Variants in ESPL1 observed in about 807,000 individuals in gnomAD.
The protein encoded by ESPL1 is separin.
A neutral mutation model predicts 217.2 loss-of-function variants in ESPL1; 50 were observed. The observed-to-expected ratio is 0.23, with a 90% CI of 0.18 to 0.29. ESPL1 has a LOEUF of 0.29. ESPL1 is among the 10% of genes least tolerant of loss of function. ESPL1 has a pLI of 1.00. For synonymous variants in ESPL1, 994 were observed against 1,081.3 expected, an observed-to-expected ratio of 0.92 and a Z score of 1.58; for missense variants, 1,834 against 2,603.0, an observed-to-expected ratio of 0.70 and a Z score of 6.43.
intron 6 of ESPL1, 75 bp from the exon 7 acceptor site, chr12:53,274,742 T>C: frequency 8.0e-7 from 1 of 1,247,768 alleles, no homozygotes; most frequent in Non-Finnish European, 1.2e-6. Flanking sequence ...ATGTACCTAT[T>C]GCATGCATAT....
Position 53,281,534 on chromosome 12 carries a change from C to T in ESPL1, c.2527C>T (p.Leu843=). 6.2e-7 allele frequency: 1 copy of T among 1,613,806 alleles called. No homozygotes were observed. The highest frequency in any genetic ancestry group is 8.5e-7 in the Non-Finnish European group (1 of 1,179,730). Residue 843 remains leucine (L), a synonymous_variant, in exon 13 of 31, where the codon CTG becomes TTG. Transcript: ENST00000257934. Reference sequence around the variant, plus strand: ...ACACCTGGAAGAGGCAGCATCGAGCCTGAAGCATCTCGATCAGACTACTGA... The same window carrying T: ...ACACCTGGAAGAGGCAGCATCGAGCTTGAAGCATCTCGATCAGACTACTGA... ...QLHLEEAASS[L]KHLDQTTDTY...
At position 53,292,180 on chromosome 12, in the gene ESPL1, G is replaced by T; in HGVS notation, c.5796+92G>T. ...GAGAAACCTGAGAAGATAGGAGAGG[G>T]TCCTAGGAATGGCTCAGACATGGAA... On this transcript the variant is annotated intron_variant, in intron 27 of 30. Coordinates refer to ENST00000257934, the MANE Select transcript of ESPL1 (RefSeq NM_012291.5). This position sits in a 1 kb window ranked among gnomAD's most constrained non-coding sequence, Gnocchi z 4.5. The T allele has an allele frequency of 2.1e-6, 3 of 1,410,818 alleles. No individual in the cohort carries two copies. The highest frequency in any genetic ancestry group is 3.0e-6 in the Non-Finnish European group (3 of 995,552). 87.4% of individuals were successfully genotyped at this position (1,410,818 alleles called of 1,614,324 possible). A position where few individuals can be genotyped will look rare whatever the true frequency, so the allele number is the denominator to read the frequency against.
At chr12:53,287,332 A>G (rs1459792031) in intron 18 of ESPL1, 1 of 153,642 alleles carries the variant, frequency 6.5e-6, no homozygotes, top group African/African-American at 2.5e-5. Flanking sequence ...TCGGCCTCCC[A>G]AAGTGCTGGG....
chr12:53,289,714 A>T lies in ESPL1; in HGVS notation c.5113+120A>T. ...CATAGATTTATGACCCTTATGTCAT[A>T]CCTTTTCACCTGTTAGCATCTTACA... On this transcript the variant is annotated intron_variant, in intron 22 of 30. Coordinates refer to ENST00000257934, the MANE Select transcript of ESPL1 (RefSeq NM_012291.5). 3 of 799,924 alleles carry T rather than the reference A, an allele frequency of 3.8e-6. No homozygotes were observed. The South Asian group carries it at 5.6e-5, about 15-fold the overall frequency. 49.6% of individuals were successfully genotyped at this position (799,924 alleles called of 1,614,324 possible). A position where few individuals can be genotyped will look rare whatever the true frequency, so the allele number is the denominator to read the frequency against.
Position 53,283,154 on chromosome 12 carries a change from C to T in ESPL1, c.2817C>T (p.Leu939=). Residue 939 remains leucine (L), a synonymous_variant, in exon 15 of 31, where the codon CTC becomes CTT. Transcript: ENST00000257934. ...AQGWQTPEIA[L]IDSHKLLRSI... ...GCTGGCAGACACCTGAGATAGCTCT[C>T]ATAGACTCCCATAAGCTCCTCCGAA... 6.2e-7 allele frequency: 1 copy of T among 1,614,250 alleles called. No homozygotes were observed. Among genetic ancestry groups the T allele is most frequent in the Non-Finnish European group, 8.5e-7 (1 of 1,180,046 alleles).
At chr12:53,277,433 A>G (rs1174227916) in intron 9 of ESPL1, 37 bp from the exon 10 acceptor site, 2 of 1,605,040 alleles carry the variant, frequency 1.2e-6, no homozygotes. Flanking sequence ...GGCCCACACC[A>G]CTGTGCCCTG....
chr12:53,281,542 T>C lies in ESPL1; in HGVS notation c.2535T>C (p.His845=). 1 of 1,613,760 alleles carries C rather than the reference T, an allele frequency of 6.2e-7. No homozygotes were observed. The highest frequency in any genetic ancestry group is 8.5e-7 in the Non-Finnish European group (1 of 1,179,664). Residue 845 remains histidine (H), a synonymous_variant, in exon 13 of 31, where the codon CAT becomes CAC. Transcript: ENST00000257934. ...AAGAGGCAGCATCGAGCCTGAAGCA[T>C]CTCGATCAGACTACTGACACATACC... ...HLEEAASSLK[H]LDQTTDTYLL... is the part of the protein sequence containing the mutation.
rs757827113 is a variant in ESPL1 at position 53,293,283 on chromosome 12, C to T, written c.6172C>T (p.Leu2058=). ...KYIMAGCPLF[L]GNLWDVTDRD... Reference sequence around the variant, plus strand: ...CTTTTCTTTTCCCAGCCCCTTGTTTCTGGGTAATCTCTGGGATGTGACTGA... The same window carrying T: ...CTTTTCTTTTCCCAGCCCCTTGTTTTTGGGTAATCTCTGGGATGTGACTGA... The change falls in exon 31 of 31, where the codon CTG becomes TTG. Residue 2058 remains leucine (L), a synonymous_variant. Transcript: ENST00000257934. The surrounding 1 kb of genome is among the most constrained non-coding windows in gnomAD (Gnocchi z 4.2). 6.2e-7 allele frequency: 1 copy of T among 1,613,784 alleles called. No individual in the cohort carries two copies. Among genetic ancestry groups the T allele is most frequent in the Non-Finnish European group, 8.5e-7 (1 of 1,179,710 alleles).
chr12:53,268,527 C>T (rs1943608332), intron 1 of ESPL1, 150 bp downstream of exon 1: 1 of 525,068 alleles, frequency 1.9e-6, no homozygotes, highest in Non-Finnish European at 3.4e-6. Flanking sequence ...GGGCCGAGGC[C>T]TCTGGGGTAG....
At chr12:53,273,059 C>T (rs986460759) in intron 6 of ESPL1, among the ~76,000 whole-genome samples, 8 of 133,624 alleles carry the variant, frequency 6.0e-5, no homozygotes, top group African/African-American at 1.2e-4. Context: ...TTTTTTGAGA[C>T]GAGTCTCGCT....
Position 53,277,925 on chromosome 12 carries a change from C to A in ESPL1, c.2329C>A (p.Gln777Lys). Residue 777 changes from glutamine to lysine, a missense_variant, in exon 11 of 31, where the codon CAG becomes AAG. Physicochemically the swap from Gln to Lys is moderately conservative, Grantham distance 53. Transcript: ENST00000257934. Reference protein sequence around the residue: ...RCLQQTAASLQILAALYQLVA... With the variant: ...RCLQQTAASLKILAALYQLVA... ...TCTCCAGCAGACAGCAGCCTCACTG[C>A]AGATCCTAGCAGCCCTCTACCAGCT... 1 of 1,614,052 alleles carries A rather than the reference C, an allele frequency of 6.2e-7. No individual in the cohort carries two copies. The highest frequency in any genetic ancestry group is 8.5e-7 in the Non-Finnish European group (1 of 1,180,012).
chr12:53,290,199 C>T lies in ESPL1; in HGVS notation c.5228C>T (p.Thr1743Ile), dbSNP rs758217228. Residue 1743 changes from threonine (T) to isoleucine (I), a missense_variant, in exon 23 of 31, where the codon ACT becomes ATT. Coordinates refer to ENST00000257934, the MANE Select transcript of ESPL1 (RefSeq NM_012291.5). ...CCCCCAGTCAGTGTGCAGATTCCCA[C>T]TGGCCAGAACAAGGTAGGATTCCTG... ...DSPPVSVQIP[T>I]GQNKLHLRSV... is the part of the protein sequence containing the mutation. The T allele has an allele frequency of 4.3e-6, 7 of 1,614,138 alleles. No homozygotes were observed. Among genetic ancestry groups the T allele is most frequent in the Admixed American group, 1.7e-5 (1 of 60,014 alleles).
chr12:53,291,740 G>A lies in ESPL1; in HGVS notation c.5571G>A (p.Leu1857=). 6.2e-7 allele frequency: 1 copy of A among 1,613,996 alleles called. No individual in the cohort carries two copies. The highest frequency in any genetic ancestry group is 8.5e-7 in the Non-Finnish European group (1 of 1,179,980). The change falls in exon 26 of 31, where the codon CTG becomes CTA. Residue 1857 remains leucine, a synonymous_variant. Coordinates refer to ENST00000257934, the MANE Select transcript of ESPL1 (RefSeq NM_012291.5). ...TCACCCCTCAGGACATTCAGGCCCT[G>A]GCCTACGGGCTGTGCCCAACCCAGC... ...GALTPQDIQA[L]AYGLCPTQPE... is the part of the protein sequence containing the mutation.
rs753163819 is a variant in ESPL1 at position 53,289,215 on chromosome 12, G to A, written c.4834G>A (p.Asp1612Asn). The change falls in exon 21 of 31, where the codon GAT becomes AAT. Residue 1612 changes from aspartate (D) to asparagine (N), a missense_variant. Asp to Asn is a conservative substitution (Grantham distance 23). Coordinates refer to ENST00000257934, the MANE Select transcript of ESPL1 (RefSeq NM_012291.5). ...RFLALCLGHR[D>N]PYATAFLVTE... ...CCTGGCCTTGTGCCTGGGCCACCGG[G>A]ATCCTTATGCCACTGCTTTCCTTGT... 1.1e-5 allele frequency: 17 copies of A among 1,613,734 alleles called. 1 individual carries two copies. Among genetic ancestry groups the A allele is most frequent in the Middle Eastern group, 3.3e-4 (2 of 6,062 alleles).
chr12:53,271,931 C>G (rs1032903338), intron 5 of ESPL1, among the ~76,000 whole-genome samples: 1 of 151,644 alleles, frequency 6.6e-6, no homozygotes, highest in Non-Finnish European at 1.5e-5. Flanking sequence ...ACTAAAAATA[C>G]AAAAAATTAG....
In ESPL1 at chr12:53,282,243, C is replaced by G; in HGVS notation, c.2620-21C>G. On this transcript the variant is annotated intron_variant, in intron 13 of 30. Coordinates refer to ENST00000257934, the MANE Select transcript of ESPL1 (RefSeq NM_012291.5). The surrounding 1 kb of genome is among the most constrained non-coding windows in gnomAD (Gnocchi z 4.0). Reference sequence around the variant, plus strand: ...GTGCCTGACTGCCTTACTGCCTCCTCTGGCTCCTTCTCTCCTTCAGGTGAC... The same window carrying G: ...GTGCCTGACTGCCTTACTGCCTCCTGTGGCTCCTTCTCTCCTTCAGGTGAC... 2 of 1,612,092 alleles carry G rather than the reference C, an allele frequency of 1.2e-6. No individual in the cohort carries two copies. The highest frequency in any genetic ancestry group is 1.7e-6 in the Non-Finnish European group (2 of 1,178,394).
At chr12:53,291,957 A>AG in intron 26 of ESPL1, 27 bp from the exon 27 acceptor site, 1 of 1,611,176 alleles carries the variant, frequency 6.2e-7, no homozygotes, top group South Asian at 1.1e-5. Context: ...GGCTGGGGAC[A>AG]GTAACCTCTT....
chr12:53,270,105 G>T lies in ESPL1; in HGVS notation c.1143+20G>T. 2 of 1,579,688 alleles carry T rather than the reference G, an allele frequency of 1.3e-6. No homozygotes were observed. Among genetic ancestry groups the T allele is most frequent in the Non-Finnish European group, 1.7e-6 (2 of 1,160,828 alleles). On this transcript the variant is annotated intron_variant, in intron 3 of 30. Transcript: ENST00000257934. The stretch of plus-strand genomic sequence containing the variant: ...GATGGTGTGAGTTAAGGACCTGGAG[G>T]TAGGGTGGGGACGTGGTCTGTGGAC...
Position 53,282,257 on chromosome 12 carries a change from C to T in ESPL1, c.2620-7C>T, listed in dbSNP as rs763388659. On this transcript the variant is annotated splice_region_variant and splice_polypyrimidine_tract_variant and intron_variant, in intron 13 of 30. Transcript: ENST00000257934. The surrounding 1 kb of genome is among the most constrained non-coding windows in gnomAD (Gnocchi z 4.0). ...TACTGCCTCCTCTGGCTCCTTCTCT[C>T]CTTCAGGTGACCAAGGGTGTCTCTC... 1.2e-6 allele frequency: 2 copies of T among 1,613,694 alleles called. No homozygotes were observed. The highest frequency in any genetic ancestry group is 1.7e-6 in the Non-Finnish European group (2 of 1,179,714).
Sources: allele counts gnomAD v4.1 joint callset (sites outside exome capture counted in the v4.1 genomes callset), GRCh38; gene constraint gnomAD v4.1.1; non-coding constraint Gnocchi (gnomAD v3.1); transcripts MANE v1.5; gene names NCBI Gene and HGNC (gene_info 2026-07-23, HGNC 2026-07-21).